Variants in API5 observed in about 807,000 individuals in gnomAD.
The protein encoded by API5 is apoptosis inhibitor 5, also known as FIF.
In API5, 6 loss-of-function variants were observed where a neutral mutation model predicts 71.9. That is an observed-to-expected ratio of 0.08 (90% CI 0.05 to 0.16). The LOEUF is 0.16. Among genes scored for constraint, API5 ranks in the 10% least tolerant of loss-of-function variants. API5 has a pLI of 1.00. For synonymous variants in API5, 189 were observed against 221.3 expected, an observed-to-expected ratio of 0.85 and a Z score of 1.30; for missense variants, 332 against 612.8, an observed-to-expected ratio of 0.54 and a Z score of 4.84.
chr11:43,315,533 G>C (rs1444890371), intron 1 of API5, among the ~76,000 whole-genome samples: 1 of 152,056 alleles, frequency 6.6e-6, no homozygotes, highest in African/African-American at 2.4e-5. Flanking sequence ...CATTTACACA[G>C]ATTATCTCTA....
At chr11:43,322,955 C>A (rs1269295230) in intron 5 of API5, among the ~76,000 whole-genome samples, 1 of 152,114 alleles carries the variant, frequency 6.6e-6, no homozygotes, top group African/African-American at 2.4e-5. Context: ...ATGAGACTTG[C>A]AAGGTGACCT....
At chr11:43,319,095 G>A (rs146892895) in intron 2 of API5, 147 of 304,248 alleles carry the variant, frequency 4.8e-4, no homozygotes, top group Non-Finnish European at 6.7e-4. Context: ...GTTATTCATT[G>A]TGCATATGAA....
chr11:43,318,858 A>T (rs1033436244), intron 2 of API5, 57 bp downstream of exon 2: 1 of 1,528,910 alleles, frequency 6.5e-7, no homozygotes, highest in African/African-American at 1.4e-5. Context: ...TATGTGGCTG[A>T]TACAATTGGA....
intron 1 of API5, among the ~76,000 whole-genome samples, chr11:43,317,020 T>C (rs1280508124): frequency 5.3e-5 from 8 of 152,218 alleles, no homozygotes; most frequent in Admixed American, 5.2e-4. Context: ...CAAAAAAGAA[T>C]CACTGTAAAA....
At chr11:43,336,868 TGTG>T (rs1473200627) in intron 13 of API5, among the ~76,000 whole-genome samples, 1 of 151,188 alleles carries the variant, frequency 6.6e-6, no homozygotes, top group Non-Finnish European at 1.5e-5. Context: ...ATTTGCCAGG[TGTG>T]GTGGCGGGCG....
intron 1 of API5, among the ~76,000 whole-genome samples, chr11:43,314,583 A>G (rs963362592): frequency 1.3e-5 from 2 of 152,200 alleles, no homozygotes; most frequent in East Asian, 1.9e-4. Context: ...TTCACCTACC[A>G]TGTACCACAC....
At chr11:43,341,614 AT>A (rs1473045429) in intron 13 of API5, among the ~76,000 whole-genome samples, 1 of 152,110 alleles carries the variant, frequency 6.6e-6, no homozygotes, top group Non-Finnish European at 1.5e-5. Context: ...ATAGGGAGAG[AT>A]TTGTGGGAGG....
At chr11:43,316,652 T>G (rs1854681676) in intron 1 of API5, among the ~76,000 whole-genome samples, 1 of 152,170 alleles carries the variant, frequency 6.6e-6, no homozygotes, top group Non-Finnish European at 1.5e-5. Context: ...AGACAGGGTC[T>G]TGCTCTGTCA....
intron 11 of API5, among the ~76,000 whole-genome samples, chr11:43,333,170 T>C (rs898466037): frequency 6.6e-6 from 1 of 152,150 alleles, no homozygotes; most frequent in Non-Finnish European, 1.5e-5. Flanking sequence ...AGTGGATTGG[T>C]TGAAGGACCC....
At chr11:43,318,503 T>G in intron 1 of API5, 137 bp from the exon 2 acceptor site, 1 of 1,541,266 alleles carries the variant, frequency 6.5e-7, no homozygotes, top group Non-Finnish European at 8.7e-7. Context: ...GTTTGAGCAG[T>G]AAACCTCCCA....
intron 9 of API5, chr11:43,329,132 A>G (rs1392097614): frequency 4.5e-6 from 2 of 444,338 alleles, no homozygotes; most frequent in South Asian, 3.5e-5. Context: ...GCTTGACACC[A>G]GGAGTTTGAG....
At chr11:43,323,724 G>A in intron 6 of API5, 88 bp downstream of exon 6, 1 of 1,231,170 alleles carries the variant, frequency 8.1e-7, no homozygotes, top group South Asian at 1.4e-5. Context: ...AACCTTTCCA[G>A]TAGTGTCCCT....
chr11:43,328,322 G>A (rs895444281), intron 8 of API5, among the ~76,000 whole-genome samples: 10 of 152,160 alleles, frequency 6.6e-5, no homozygotes, highest in Admixed American at 1.3e-4. Flanking sequence ...TATTTTTGTA[G>A]TAAGCATAGT....
intron 6 of API5, among the ~76,000 whole-genome samples, chr11:43,325,093 A>G (rs1265326943): frequency 6.6e-6 from 1 of 152,078 alleles, no homozygotes; most frequent in African/African-American, 2.4e-5. Context: ...TTCCTGGAAA[A>G]TGCATATTAT....
At chr11:43,321,639 G>C (rs1361640250) in intron 4 of API5, among the ~76,000 whole-genome samples, 163 bp downstream of exon 4, 4 of 152,122 alleles carry the variant, frequency 2.6e-5, no homozygotes, top group Non-Finnish European at 5.9e-5. Flanking sequence ...TTTATGACTA[G>C]AAAAACGAGC....
chr11:43,337,007 C>CAAAAAAAA (rs559170436), intron 13 of API5, among the ~76,000 whole-genome samples: 1 of 66,832 alleles, frequency 1.5e-5, no homozygotes. Context: ...GACTCCGTCT[C>CAAAAAAAA]AAAAAAAAAA....
intron 1 of API5, among the ~76,000 whole-genome samples, chr11:43,314,916 CA>C (rs1854617890): frequency 6.6e-6 from 1 of 152,158 alleles, no homozygotes. Flanking sequence ...GACACCATTT[CA>C]CTTGTTTTTA....
intron 13 of API5, among the ~76,000 whole-genome samples, chr11:43,338,106 CTA>C (rs1855494776): frequency 6.6e-6 from 1 of 152,132 alleles, no homozygotes; most frequent in African/African-American, 2.4e-5. Context: ...CAAAAGCAAA[CTA>C]AAATCTGATT....
intron 2 of API5, among the ~76,000 whole-genome samples, chr11:43,320,563 G>GTTCCCT (rs1854843013): frequency 6.6e-6 from 1 of 151,886 alleles, no homozygotes; most frequent in Non-Finnish European, 1.5e-5. Flanking sequence ...GGGCAACATA[G>GTTCCCT]GGAAATCCGC....
Sources: allele counts gnomAD v4.1 joint callset (sites outside exome capture counted in the v4.1 genomes callset), GRCh38; gene constraint gnomAD v4.1.1; transcripts MANE v1.5; gene names NCBI Gene and HGNC (gene_info 2026-07-23, HGNC 2026-07-21).